The following ARHGAP26 variants were observed in gnomAD, a reference collection of about 807,000 sequenced individuals.
The protein encoded by ARHGAP26 is Rho GTPase activating protein 26.
In ARHGAP26, 38 loss-of-function variants were observed where a neutral mutation model predicts 104.8. That is an observed-to-expected ratio of 0.36 (90% CI 0.28 to 0.48). The LOEUF is 0.48. ARHGAP26 is among the 20% of genes least tolerant of loss of function. The pLI, the probability that ARHGAP26 is intolerant of heterozygous loss-of-function variation, is 0.99. For synonymous variants in ARHGAP26, 341 were observed against 340.0 expected, an observed-to-expected ratio of 1.00 and a Z score of -0.03; for missense variants, 704 against 947.9, an observed-to-expected ratio of 0.74 and a Z score of 3.38.
In ARHGAP26 at chr5:143,144,673, G is replaced by A. The variant is rs116426460; in HGVS notation, c.1838-2558G>A. 2.9e-3 allele frequency among the ~76,000 whole-genome samples: 443 copies of A among 152,294 alleles called. 1 individual carries two copies. Among genetic ancestry groups the A allele is most frequent in the African/African-American group, 0.01 (432 of 41,556 alleles). On this transcript the variant is annotated intron_variant, in intron 19 of 22. Coordinates refer to ENST00000645722, the MANE Select transcript of ARHGAP26 (RefSeq NM_001135608.3). ...TCCTCCCACCTTGGCCTCTGAAGGCGATGGGATTACAGGCATGAACCACTA... is the reference window on the plus strand; with the variant it reads ...TCCTCCCACCTTGGCCTCTGAAGGCAATGGGATTACAGGCATGAACCACTA...
intron 5 of ARHGAP26, among the ~76,000 whole-genome samples, chr5:142,889,672 A>G (rs1228938392): frequency 3.3e-5 from 5 of 152,110 alleles, no homozygotes; most frequent in Non-Finnish European, 7.4e-5. Context: ...ATTTCCTGGT[A>G]ACCTATTTAA....
rs10075783 is a variant in ARHGAP26 at position 142,843,846 on chromosome 5, C to A, written c.155-29554C>A. ...GACACTGTGATATGGTGATGAAGAG[C>A]CTGAGCTTTGGCTTCATGCATTCTT... On this transcript the variant is annotated intron_variant, in intron 1 of 22. Coordinates refer to ENST00000645722, the MANE Select transcript of ARHGAP26 (RefSeq NM_001135608.3). 9.5e-3 allele frequency among the ~76,000 whole-genome samples: 1,449 copies of A among 152,194 alleles called. 24 individuals carry two copies. Among genetic ancestry groups the A allele is most frequent in the African/African-American group, 0.034 (1,393 of 41,504 alleles).
intron 20 of ARHGAP26, among the ~76,000 whole-genome samples, chr5:143,164,311 A>G (rs140839324): frequency 6.8e-4 from 104 of 152,332 alleles, no homozygotes; most frequent in African/African-American, 2.5e-3. Flanking sequence ...AAGTTTTACT[A>G]TCAAATTTTC....
intron 11 of ARHGAP26, among the ~76,000 whole-genome samples, chr5:143,013,521 T>A (rs993853883): frequency 7.9e-5 from 12 of 152,240 alleles, no homozygotes; most frequent in African/African-American, 2.7e-4. Flanking sequence ...TCTAGAAGTA[T>A]GTAGAGTAAA....
intron 19 of ARHGAP26, among the ~76,000 whole-genome samples, chr5:143,144,850 C>T (rs759239724): frequency 3.3e-5 from 5 of 152,218 alleles, no homozygotes; most frequent in Admixed American, 6.5e-5. Flanking sequence ...GCCTACTTAC[C>T]GTCAGTAAAG....
chr5:143,038,684 CTTTTTTTTTTTTT>C lies in ARHGAP26; in HGVS notation c.1210+1441_1210+1453del, dbSNP rs60428049. Among the ~76,000 whole-genome samples the C allele has an allele frequency of 1.9e-4, 12 of 64,432 alleles. 1 individual carries two copies. The highest frequency in any genetic ancestry group is 6.3e-4 in the East Asian group (1 of 1,582). 42.3% of individuals were successfully genotyped at this position (64,432 alleles called of 152,430 possible). A position where few individuals can be genotyped will look rare whatever the true frequency, so the allele number is the denominator to read the frequency against. ...GGAAATACATTTTTTGACATACGGC[CTTTTTTTTTTTTT>C]TTTTTTTTTTTTTTTTTGAGACAGA... On this transcript the variant is annotated intron_variant, in intron 13 of 22. Transcript: ENST00000645722.
At chr5:142,977,548 T>C (rs1175091351) in intron 11 of ARHGAP26, among the ~76,000 whole-genome samples, 1 of 152,168 alleles carries the variant, frequency 6.6e-6, no homozygotes, top group Non-Finnish European at 1.5e-5. Context: ...TTTTTCCCCC[T>C]GCTGGATACG....
chr5:142,890,151 A>AAT (rs752591382), intron 5 of ARHGAP26, among the ~76,000 whole-genome samples: 2,474 of 31,952 alleles, frequency 0.077, 213 homozygotes, highest in Middle Eastern at 0.11. Flanking sequence ...AAAAAAAAAA[A>AAT]ATATATATAT....
chr5:143,135,528 C>T (rs1797810132), intron 19 of ARHGAP26, among the ~76,000 whole-genome samples: 1 of 152,010 alleles, frequency 6.6e-6, no homozygotes, highest in Admixed American at 6.6e-5. Context: ...TTATTTAATC[C>T]CCTTGTATTT....
intron 11 of ARHGAP26, among the ~76,000 whole-genome samples, chr5:142,983,548 G>A: frequency 6.6e-6 from 1 of 152,082 alleles, no homozygotes; most frequent in South Asian, 2.1e-4. Flanking sequence ...CTGAGAAATA[G>A]GAAAAATCCC....
intron 1 of ARHGAP26, among the ~76,000 whole-genome samples, chr5:142,824,633 G>A (rs1291713707): frequency 6.6e-6 from 1 of 152,204 alleles, no homozygotes; most frequent in East Asian, 1.9e-4. Context: ...AGCAAAGGTA[G>A]GAGGTGAGAC....
Position 143,095,781 on chromosome 5 carries a change from C to T in ARHGAP26, c.1539-25207C>T, listed in dbSNP as rs192379234. ...AGAGATGGGGTTTCACCATGTTGGCCAGGCTGTCTCAAACTCCTGACCTCA... is the reference window on the plus strand; with the variant it reads ...AGAGATGGGGTTTCACCATGTTGGCTAGGCTGTCTCAAACTCCTGACCTCA... On this transcript the variant is annotated intron_variant, in intron 17 of 22. Coordinates refer to ENST00000645722, the MANE Select transcript of ARHGAP26 (RefSeq NM_001135608.3). 3.7e-3 allele frequency among the ~76,000 whole-genome samples: 562 copies of T among 152,266 alleles called. 2 individuals carry two copies. The highest frequency in any genetic ancestry group is 0.013 in the African/African-American group (535 of 41,534).
At chr5:143,060,555 A>G (rs1328467168) in intron 17 of ARHGAP26, among the ~76,000 whole-genome samples, 2 of 152,120 alleles carry the variant, frequency 1.3e-5, no homozygotes, top group African/African-American at 4.8e-5. Context: ...CTCAGAGGGA[A>G]CATAAAAATT....
At chr5:143,095,594 A>G (rs1792175210) in intron 17 of ARHGAP26, among the ~76,000 whole-genome samples, 1 of 152,184 alleles carries the variant, frequency 6.6e-6, no homozygotes, top group Admixed American at 6.6e-5. Context: ...TGGATAAATC[A>G]TATCTTCTTT....
chr5:143,210,221 G>A (rs1809233120), intron 21 of ARHGAP26, among the ~76,000 whole-genome samples: 1 of 152,188 alleles, frequency 6.6e-6, no homozygotes, highest in South Asian at 2.1e-4. Context: ...AGAAGGCAAG[G>A]AGGAGGAAGT....
intron 19 of ARHGAP26, among the ~76,000 whole-genome samples, chr5:143,142,134 CTTTTTTTT>C (rs762332039): frequency 6.6e-5 from 7 of 105,370 alleles, no homozygotes; most frequent in African/African-American, 2.8e-4. Context: ...CTACTTTTCA[CTTTTTTTT>C]TTTTTTTTTT....
At chr5:143,092,118 G>C (rs540836834) in intron 17 of ARHGAP26, among the ~76,000 whole-genome samples, 6 of 148,624 alleles carry the variant, frequency 4.0e-5, no homozygotes. Context: ...ACAATTCTTC[G>C]ACATGCCTCA....
chr5:142,881,005 A>G (rs570409900), intron 4 of ARHGAP26, among the ~76,000 whole-genome samples: 26 of 152,348 alleles, frequency 1.7e-4, no homozygotes, highest in African/African-American at 6.0e-4. Flanking sequence ...GGAATGTATA[A>G]TTTACACAAA....
At chr5:143,105,165 C>T (rs533114228) in intron 17 of ARHGAP26, among the ~76,000 whole-genome samples, 2 of 152,022 alleles carry the variant, frequency 1.3e-5, no homozygotes, top group Non-Finnish European at 2.9e-5. Flanking sequence ...CACCTGAGGT[C>T]GGGAGTTTGA....
Sources: allele counts gnomAD v4.1 joint callset (sites outside exome capture counted in the v4.1 genomes callset), GRCh38; gene constraint gnomAD v4.1.1; transcripts MANE v1.5; gene names NCBI Gene and HGNC (gene_info 2026-07-23, HGNC 2026-07-21).